The following LRRC37A variants were observed in gnomAD, a reference collection of about 807,000 sequenced individuals.
LRRC37A encodes leucine rich repeat containing 37A, also known as leucine-rich repeat-containing protein 37A.
In LRRC37A, 3 loss-of-function variants were observed where a neutral mutation model predicts 35.4. That is an observed-to-expected ratio of 0.08 (90% CI 0.04 to 0.22). The LOEUF is 0.22. LRRC37A is among the 10% of genes least tolerant of loss of function. The pLI is 1.00. For synonymous variants in LRRC37A, 23 were observed against 215.0 expected (o/e 0.11, Z 7.81); for missense variants, 67 against 565.3 (o/e 0.12, Z 8.94).
the LRRC37A span, among the ~76,000 whole-genome samples, chr17:46,261,539 G>C: frequency 6.6e-6 from 1 of 152,086 alleles, no homozygotes; most frequent in Non-Finnish European, 1.5e-5. Flanking sequence ...AGCCTCCCGA[G>C]TAGCTGGGAT....
the LRRC37A span, among the ~76,000 whole-genome samples, chr17:46,253,239 G>GCAGAGA: frequency 2.0e-5 from 3 of 146,716 alleles, no homozygotes; most frequent in Non-Finnish European, 4.5e-5. Context: ...GGGCGGCCGG[G>GCAGAGA]CAGAGACGCT....
upstream of LRRC37A, among the ~76,000 whole-genome samples, chr17:46,288,642 G>T (rs191475421): frequency 6.6e-6 from 1 of 151,804 alleles, no homozygotes; most frequent in African/African-American, 2.4e-5. Flanking sequence ...CAGTGAGGAC[G>T]ACCAGAGGTC....
chr17:46,260,723 A>T, the LRRC37A span: 2 of 839,602 alleles, frequency 2.4e-6, no homozygotes, highest in Non-Finnish European at 3.6e-6. Flanking sequence ...TCCCGGGTTC[A>T]AGCGATTCTC....
upstream of LRRC37A, among the ~76,000 whole-genome samples, chr17:46,289,463 T>A (rs1363086238): frequency 2.6e-5 from 4 of 152,224 alleles, no homozygotes; most frequent in African/African-American, 9.7e-5. Flanking sequence ...GAGCCACTTG[T>A]ACCCAGCCAT....
In LRRC37A at chr17:46,314,753, T is replaced by C. The variant is rs1347805772; in HGVS notation, c.2907-7569T>C. ...CCGTTGAATTTGGTTTGCCAGATTT[T>C]GTCAAGCATTTTTCCATCTACATTC... On this transcript the variant is annotated intron_variant, in intron 5 of 13. Coordinates refer to ENST00000320254, the Ensembl canonical transcript of LRRC37A. Among the ~76,000 whole-genome samples the C allele has an allele frequency of 4.9e-5, 4 of 81,414 alleles. 2 individuals are homozygous for C. The highest frequency in any genetic ancestry group is 1.5e-4 in the Non-Finnish European group (4 of 26,806). The allele number at this position is 81,414 out of a possible 152,430, so 53.4% of individuals were successfully genotyped here. A position where few individuals can be genotyped will look rare whatever the true frequency, so the allele number is the denominator to read the frequency against.
the LRRC37A span, among the ~76,000 whole-genome samples, chr17:46,261,669 T>A: frequency 6.6e-6 from 1 of 151,248 alleles, no homozygotes; most frequent in African/African-American, 2.4e-5. Context: ...CGCCTCGGCC[T>A]CCCAGAGTGC....
chr17:46,267,009 C>A, the LRRC37A span: 5 of 171,976 alleles, frequency 2.9e-5, no homozygotes, highest in Non-Finnish European at 4.8e-5. Flanking sequence ...GCCCCCGGCT[C>A]GCCGCCCGCG....
At chr17:46,266,502 G>T in the LRRC37A span, among the ~76,000 whole-genome samples, 1 of 152,298 alleles carries the variant, frequency 6.6e-6, no homozygotes, top group East Asian at 1.9e-4. Flanking sequence ...AGTGATTCCC[G>T]TTTCCCCAAA....
At chr17:46,261,769 A>G in the LRRC37A span, among the ~76,000 whole-genome samples, 1 of 152,048 alleles carries the variant, frequency 6.6e-6, no homozygotes, top group Admixed American at 6.5e-5. Flanking sequence ...GAAGAAGAAA[A>G]AGAAACAAGT....
upstream of LRRC37A, among the ~76,000 whole-genome samples, chr17:46,291,985 A>AACAAAAAAAC (rs1555613422): frequency 2.9e-4 from 22 of 76,668 alleles, no homozygotes; most frequent in South Asian, 4.8e-3. Context: ...AAAAAAAAAA[A>AACAAAAAAAC]AAGCCAATAA....
chr17:46,271,332 AT>A, the LRRC37A span, among the ~76,000 whole-genome samples: 15,392 of 124,988 alleles, frequency 0.12, 993 homozygotes, highest in East Asian at 0.4. Flanking sequence ...TACCTAGCTA[AT>A]TTTTTTTTTT....
chr17:46,254,376 C>T, the LRRC37A span, among the ~76,000 whole-genome samples: 7 of 149,976 alleles, frequency 4.7e-5, no homozygotes, highest in East Asian at 1.2e-3. Flanking sequence ...CAACTGGAAG[C>T]CGAGGCTGGC....
At chr17:46,278,600 C>T in the LRRC37A span, among the ~76,000 whole-genome samples, 2 of 151,674 alleles carry the variant, frequency 1.3e-5, no homozygotes. Flanking sequence ...GATGAGGTTT[C>T]ACCATCTTGG....
At chr17:46,280,629 A>T in the LRRC37A span, among the ~76,000 whole-genome samples, 1 of 127,896 alleles carries the variant, frequency 7.8e-6, no homozygotes. Flanking sequence ...GCTGGAGTGC[A>T]GTGGTGTGAT....
At chr17:46,279,463 C>T in the LRRC37A span, among the ~76,000 whole-genome samples, 1 of 151,224 alleles carries the variant, frequency 6.6e-6, no homozygotes, top group Non-Finnish European at 1.5e-5. Flanking sequence ...GGATTACAGG[C>T]ATGAGCCACC....
At chr17:46,287,794 G>T (rs1280030190), upstream of LRRC37A, among the ~76,000 whole-genome samples, 1 of 152,226 alleles carries the variant, frequency 6.6e-6, no homozygotes, top group African/African-American at 2.4e-5. Flanking sequence ...GCTTGGCAGG[G>T]TCTACACTGC....
the LRRC37A span, among the ~76,000 whole-genome samples, chr17:46,252,418 G>A: frequency 7.7e-5 from 11 of 143,128 alleles, no homozygotes; most frequent in Non-Finnish European, 1.3e-4. Context: ...GGTGTTTCTC[G>A]CAGAGGGGGA....
intron 10 of LRRC37A, among the ~76,000 whole-genome samples, chr17:46,333,091 T>G (rs564043429): frequency 8.1e-6 from 1 of 124,012 alleles, no homozygotes; most frequent in African/African-American, 2.8e-5. Flanking sequence ...GACATACGTA[T>G]TGTCTTGTAG....
chr17:46,271,474 G>A, the LRRC37A span, among the ~76,000 whole-genome samples: 1 of 151,436 alleles, frequency 6.6e-6, no homozygotes, highest in Non-Finnish European at 1.5e-5. Flanking sequence ...GAGCCACCAC[G>A]CCCAGCCGTA....
Sources: allele counts gnomAD v4.1 joint callset (sites outside exome capture counted in the v4.1 genomes callset), GRCh38; gene constraint gnomAD v4.1.1; transcripts MANE v1.5; gene names NCBI Gene and HGNC (gene_info 2026-07-23, HGNC 2026-07-21).